Variants in PCNX1 observed in about 807,000 individuals in gnomAD.
PCNX1 encodes the protein pecanex-like protein 1.
In PCNX1, 78 loss-of-function variants were observed where a neutral mutation model predicts 242.2. The ratio of observed to expected loss-of-function variants is 0.32; its 90% CI spans 0.27 to 0.39. The LOEUF (loss-of-function observed/expected upper bound fraction) is 0.39, where lower values mean the gene tolerates loss of function less well. PCNX1 is among the 10% of genes least tolerant of loss of function. The pLI, the probability that PCNX1 is intolerant of heterozygous loss-of-function variation, is 1.00. For missense variants in PCNX1, 2,581 were observed against 2,856.5 expected (o/e 0.90, Z 2.20); for synonymous variants, 1,024 against 1,032.9 (o/e 0.99, Z 0.17).
rs375501794 is a variant in PCNX1, at chr14:70,980,853, A to G, written c.2311+2205A>G. Among the ~76,000 whole-genome samples, 11 of 152,260 alleles carry G rather than the reference A, an allele frequency of 7.2e-5. No homozygotes were observed. In the South Asian group the frequency reaches 2.1e-3, roughly 29 times the overall value. Reference sequence around the variant, plus strand: ...CCATCATGTTACTGCTTGGCCATTCATATACCTATGCATAAACCATAGGTA... The same window carrying G: ...CCATCATGTTACTGCTTGGCCATTCGTATACCTATGCATAAACCATAGGTA... On this transcript the variant is annotated intron_variant, in intron 6 of 35. Coordinates refer to ENST00000304743, the MANE Select transcript of PCNX1 (RefSeq NM_014982.3).
intron 19 of PCNX1, among the ~76,000 whole-genome samples, chr14:71,039,672 C>T (rs897874087): frequency 6.6e-6 from 1 of 152,188 alleles, no homozygotes; most frequent in African/African-American, 2.4e-5. Flanking sequence ...CAGAAGCTGA[C>T]TACCACAGTC....
At chr14:71,093,217 T>TA (rs2062182355) in intron 30 of PCNX1, 1 of 151,670 alleles carries the variant, frequency 6.6e-6, no homozygotes, top group South Asian at 2.1e-4. Flanking sequence ...AGCCATCAAA[T>TA]ACAAAATAAT....
chr14:70,977,817 C>T lies in PCNX1; in HGVS notation c.1480C>T (p.Pro494Ser). ...TGCATCTGAAGAAGCCAATAAAAAT[C>T]CCCATGCAAATGAATTTACTTCCCA... Reference protein sequence around the residue: ...TSASEEANKNPHANEFTSQGD... With the variant: ...TSASEEANKNSHANEFTSQGD... Residue 494 changes from proline (P) to serine (S), a missense_variant, in exon 6 of 36, where the codon CCC becomes TCC. Around this residue, in one of 9 missense-constraint regions of PCNX1, gnomAD observed 1,204 missense variants for 1,216.7 expected, o/e 0.99. Coordinates refer to ENST00000304743, the MANE Select transcript of PCNX1 (RefSeq NM_014982.3). The T allele has an allele frequency of 6.2e-7, 1 of 1,614,072 alleles. No individual in the cohort carries two copies. Among genetic ancestry groups the T allele is most frequent in the South Asian group, 1.1e-5 (1 of 91,074 alleles).
intron 19 of PCNX1, among the ~76,000 whole-genome samples, chr14:71,040,699 TTA>T (rs1194406961): frequency 6.6e-6 from 1 of 152,138 alleles, no homozygotes; most frequent in South Asian, 2.1e-4. Context: ...AGTTATACTC[TTA>T]GTTATTTTTA....
chr14:71,044,007 A>G (rs545266185), intron 19 of PCNX1, among the ~76,000 whole-genome samples: 5 of 152,290 alleles, frequency 3.3e-5, no homozygotes, highest in South Asian at 2.1e-4. Context: ...AGATATATCT[A>G]TAGTGTTGAT....
At chr14:71,010,517 C>T (rs2059794845) in intron 9 of PCNX1, among the ~76,000 whole-genome samples, 1 of 151,954 alleles carries the variant, frequency 6.6e-6, no homozygotes, top group Non-Finnish European at 1.5e-5. Context: ...TTTATCCCCC[C>T]ATCTGAAGGA....
chr14:70,983,569 C>T (rs1243828354), intron 6 of PCNX1, among the ~76,000 whole-genome samples: 1 of 152,146 alleles, frequency 6.6e-6, no homozygotes. Context: ...TCCCAAAGTG[C>T]TGGGATTACA....
chr14:71,097,197 C>T (rs2062313331), intron 30 of PCNX1, among the ~76,000 whole-genome samples: 1 of 152,082 alleles, frequency 6.6e-6, no homozygotes, highest in Non-Finnish European at 1.5e-5. Flanking sequence ...ACCTCATTTC[C>T]TTTATCCAAT....
At chr14:70,915,403 C>T (rs923826756) in intron 1 of PCNX1, among the ~76,000 whole-genome samples, 14 of 152,130 alleles carry the variant, frequency 9.2e-5, no homozygotes, top group Admixed American at 2.0e-4. Flanking sequence ...GAAAATACAG[C>T]CATTGGTAAT....
At chr14:70,913,454 G>A (rs903384094) in intron 1 of PCNX1, among the ~76,000 whole-genome samples, 5 of 152,112 alleles carry the variant, frequency 3.3e-5, no homozygotes, top group African/African-American at 1.2e-4. Context: ...AGTGCAGTAC[G>A]TATGGCTTTT....
At position 70,983,605 on chromosome 14, in the gene PCNX1, A is replaced by T. The variant is rs1048148325; in HGVS notation, c.2311+4957A>T. 4.2e-5 allele frequency among the ~76,000 whole-genome samples: 6 copies of T among 142,632 alleles called. 1 individual carries two copies. The highest frequency in any genetic ancestry group is 9.8e-5 in the Non-Finnish European group (6 of 61,492). The allele number at this position is 142,632 out of a possible 152,430, so 93.6% of individuals were successfully genotyped here. ...GGCGTGAGCCACCGTGCCCACCCAT[A>T]GCTAATAATTTTGTTACTGTTTGCT... On this transcript the variant is annotated intron_variant, in intron 6 of 35. Coordinates refer to ENST00000304743, the MANE Select transcript of PCNX1 (RefSeq NM_014982.3).
At chr14:71,003,563 T>A (rs1409738157) in intron 8 of PCNX1, among the ~76,000 whole-genome samples, 1 of 152,226 alleles carries the variant, frequency 6.6e-6, no homozygotes, top group Non-Finnish European at 1.5e-5. Flanking sequence ...TTTACCCAAG[T>A]AAGAAGAACT....
In PCNX1 at chr14:71,019,110, G is replaced by A; in HGVS notation, c.3098G>A (p.Trp1033Ter). The part of the protein sequence containing the change: ...LLIQGFFRDI[W>*]VFQFCLVIAS... Reference sequence around the variant, plus strand: ...ATACAAGGATTCTTCAGAGATATCTGGGTCTTCCAGTTCTGCCTCGTCATA... The same window carrying A: ...ATACAAGGATTCTTCAGAGATATCTAGGTCTTCCAGTTCTGCCTCGTCATA... Residue 1033 changes from tryptophan to a stop codon, truncating the protein, a stop_gained, in exon 12 of 36, where the codon TGG (tryptophan) becomes TAG (stop). Transcript: ENST00000304743. LOFTEE classifies it high-confidence loss of function. The A allele has an allele frequency of 6.2e-7, 1 of 1,613,110 alleles. No homozygotes were observed. Among genetic ancestry groups the A allele is most frequent in the Non-Finnish European group, 8.5e-7 (1 of 1,179,480 alleles).
chr14:70,932,019 C>T (rs1027617431), intron 1 of PCNX1, among the ~76,000 whole-genome samples: 3 of 152,126 alleles, frequency 2.0e-5, no homozygotes, highest in Admixed American at 6.5e-5. Context: ...CGCAGCTACT[C>T]GGGATGCTGA....
chr14:70,949,476 A>C (rs1329980800), intron 2 of PCNX1, among the ~76,000 whole-genome samples: 1 of 151,950 alleles, frequency 6.6e-6, no homozygotes, highest in Non-Finnish European at 1.5e-5. Flanking sequence ...ATGTGTATAT[A>C]TATACACACA....
At chr14:70,973,942 G>A (rs1457946765) in intron 5 of PCNX1, among the ~76,000 whole-genome samples, 1 of 151,858 alleles carries the variant, frequency 6.6e-6, no homozygotes, top group South Asian at 2.1e-4. Context: ...CATTACTCCA[G>A]TAAGAAACCT....
chr14:70,909,846 G>C (rs1321427033), intron 1 of PCNX1, among the ~76,000 whole-genome samples: 1 of 152,072 alleles, frequency 6.6e-6, no homozygotes, highest in East Asian at 1.9e-4. Context: ...AGAAGGTGCT[G>C]AGCTGTTCTT....
At chr14:71,105,642 A>G (rs2062593467) in intron 33 of PCNX1, among the ~76,000 whole-genome samples, 1 of 150,780 alleles carries the variant, frequency 6.6e-6, no homozygotes, top group Admixed American at 6.6e-5. Context: ...TCCCGGGTTC[A>G]TGCCATTCTT....
intron 31 of PCNX1, among the ~76,000 whole-genome samples, chr14:71,102,983 A>G (rs1595510785): frequency 6.6e-6 from 1 of 152,274 alleles, no homozygotes; most frequent in East Asian, 1.9e-4. Flanking sequence ...AATTTCTGAA[A>G]TTTTATTCTG....
Sources: allele counts gnomAD v4.1 joint callset (sites outside exome capture counted in the v4.1 genomes callset), GRCh38; gene constraint gnomAD v4.1.1; regional missense constraint gnomAD v4.1.1; transcripts MANE v1.5; gene names NCBI Gene and HGNC (gene_info 2026-07-23, HGNC 2026-07-21).